Variants in TFB1M observed in about 807,000 individuals in gnomAD.
TFB1M encodes dimethyladenosine transferase 1, mitochondrial.
In TFB1M, 27 loss-of-function variants were observed where a neutral mutation model predicts 31.1. The observed-to-expected ratio is 0.87, with a 90% CI of 0.64 to 1.20. TFB1M has a LOEUF of 1.20. Among genes scored for constraint, TFB1M ranks in the 50% most tolerant of loss-of-function variants. TFB1M has a pLI of 0.00. For missense variants in TFB1M, 394 were observed against 418.7 expected (o/e 0.94, Z 0.51); for synonymous variants, 166 against 151.8 (o/e 1.09, Z -0.69).
At chr6:155,249,777 C>A in the TFB1M span, 1 of 1,268,054 alleles carries the variant, frequency 7.9e-7, no homozygotes, top group Non-Finnish European at 1.1e-6. Context: ...ATCTTGACTC[C>A]ATTCATTATT....
At chr6:155,240,847 A>T in the TFB1M span, 8 of 880,134 alleles carry the variant, frequency 9.1e-6, no homozygotes, top group Non-Finnish European at 1.3e-5. Flanking sequence ...TGAATCAGTG[A>T]ATTGCTCAAG....
chr6:155,251,025 A>G, the TFB1M span: 1 of 1,612,954 alleles, frequency 6.2e-7, no homozygotes, highest in Non-Finnish European at 8.5e-7. Context: ...GTATTTGGTT[A>G]GTATTCCATT....
chr6:155,247,685 A>G, the TFB1M span, among the ~76,000 whole-genome samples: 52,080 of 152,124 alleles, frequency 0.34, 9,690 homozygotes, highest in Middle Eastern at 0.51. Flanking sequence ...ACCTATAACA[A>G]TATTTCTCAT....
At chr6:155,253,923 A>C (rs779744908), downstream of TFB1M, 12 of 1,468,656 alleles carry the variant, frequency 8.2e-6, no homozygotes, top group East Asian at 2.7e-4. Context: ...TCTTAACCAC[A>C]GCATTTTGGG....
downstream of TFB1M, chr6:155,254,160 CA>C: frequency 7.8e-7 from 1 of 1,281,466 alleles, no homozygotes; most frequent in South Asian, 1.4e-5. Flanking sequence ...TTGATGATAT[CA>C]GGGTCATACT....
intron 5 of TFB1M, among the ~76,000 whole-genome samples, chr6:155,279,060 AC>A (rs1785358964): frequency 6.6e-6 from 1 of 152,138 alleles, no homozygotes; most frequent in African/African-American, 2.4e-5. Context: ...CTTACAATGC[AC>A]AGGACAGACT....
the TFB1M span, among the ~76,000 whole-genome samples, chr6:155,233,693 G>A: frequency 6.6e-6 from 1 of 152,126 alleles, no homozygotes; most frequent in Non-Finnish European, 1.5e-5. Context: ...TAAAGGCCCG[G>A]CATGGTGGCT....
chr6:155,230,705 A>G, the TFB1M span, among the ~76,000 whole-genome samples: 1 of 152,238 alleles, frequency 6.6e-6, no homozygotes, highest in African/African-American at 2.4e-5. Flanking sequence ...GATTAAAATA[A>G]CTTGAAAGGC....
intron 2 of TFB1M, among the ~76,000 whole-genome samples, chr6:155,309,496 C>T (rs184700757): frequency 6.6e-6 from 1 of 152,262 alleles, no homozygotes; most frequent in East Asian, 1.9e-4. Flanking sequence ...TTGGGGGAAA[C>T]TGAGAAGAGA....
chr6:155,249,900 G>C, the TFB1M span: 1 of 1,614,168 alleles, frequency 6.2e-7, no homozygotes, highest in Non-Finnish European at 8.5e-7. Flanking sequence ...ATGAGATGCA[G>C]AAGATCTATG....
At chr6:155,278,418 G>C (rs1027483072) in intron 5 of TFB1M, among the ~76,000 whole-genome samples, 2 of 152,246 alleles carry the variant, frequency 1.3e-5, no homozygotes, top group African/African-American at 2.4e-5. Context: ...TATTTAAGAA[G>C]TCATGAAATT....
At chr6:155,313,446 G>A (rs183799050) in intron 1 of TFB1M, among the ~76,000 whole-genome samples, 319 of 152,164 alleles carry the variant, frequency 2.1e-3, no homozygotes, top group Middle Eastern at 6.8e-3. Context: ...GGACTAAATA[G>A]AATGAAATAT....
At chr6:155,246,706 A>C in the TFB1M span, among the ~76,000 whole-genome samples, 1 of 152,176 alleles carries the variant, frequency 6.6e-6, no homozygotes. Flanking sequence ...ATACATATTG[A>C]CAGTCAGTGC....
At chr6:155,273,704 G>A (rs1399203796) in intron 5 of TFB1M, among the ~76,000 whole-genome samples, 2 of 152,196 alleles carry the variant, frequency 1.3e-5, no homozygotes, top group Non-Finnish European at 2.9e-5. Context: ...GGGAAAGGAT[G>A]CGGGATGACC....
chr6:155,275,783 C>T lies in TFB1M; in HGVS notation c.666+9375G>A, dbSNP rs767133673. The T allele has an allele frequency of 3.7e-6, 6 of 1,614,096 alleles. No individual in the cohort carries two copies. In the Admixed American group the frequency reaches 1.0e-4, roughly 27 times the overall value. ...GGCCTTATCTGGGGTCTCTGGAGTGCTCACAGCCACTCTGCTGCCCAACTG... is the reference window on the plus strand; with the variant it reads ...GGCCTTATCTGGGGTCTCTGGAGTGTTCACAGCCACTCTGCTGCCCAACTG... On this transcript the variant is annotated intron_variant, in intron 5 of 6. Transcript: ENST00000367166.
chr6:155,245,517 A>G, the TFB1M span: 4 of 930,860 alleles, frequency 4.3e-6, no homozygotes, highest in Non-Finnish European at 6.9e-6. Context: ...TCTCCAAGGC[A>G]TTAGTGCTAT....
chr6:155,244,655 T>C, the TFB1M span: 2 of 1,613,968 alleles, frequency 1.2e-6, no homozygotes, highest in Non-Finnish European at 1.7e-6. Context: ...GATCTTCACA[T>C]AGATGGAGTC....
rs753804173 is a variant in TFB1M at position 155,258,091 on chromosome 6, AAGAC to A, written c.795-13_795-10del. On this transcript the variant is annotated splice_polypyrimidine_tract_variant and intron_variant, in intron 6 of 6. Coordinates refer to ENST00000367166, the MANE Select transcript of TFB1M (RefSeq NM_016020.4). ...CTTCAGGGAATAACATTCTGAGGGGAAGACAGACAGACAGAAAAATAAGAATTTT... is the reference window on the plus strand; with the variant it reads ...CTTCAGGGAATAACATTCTGAGGGGAAGACAGACAGAAAAATAAGAATTTT... 1.9e-5 allele frequency: 30 copies of A among 1,608,646 alleles called. No individual in the cohort carries two copies. The highest frequency in any genetic ancestry group is 1.3e-4 in the Admixed American group (8 of 59,916).
intron 1 of TFB1M, chr6:155,314,050 G>A: frequency 7.2e-7 from 1 of 1,381,564 alleles, no homozygotes; most frequent in Non-Finnish European, 9.4e-7. Context: ...AGGGAGCTTG[G>A]CATTTATGCA....
Sources: gnomAD v4.1 joint callset for allele counts (sites outside exome capture counted in the v4.1 genomes callset) on GRCh38, gnomAD v4.1.1 for gene constraint, MANE v1.5 for transcripts, NCBI Gene and HGNC (gene_info 2026-07-23, HGNC 2026-07-21) for gene names.